FRAS1: variants seen among roughly 807,000 people sequenced by gnomAD.
FRAS1 encodes the protein extracellular matrix organizing protein FRAS1.
Under a neutral mutation model 435.2 loss-of-function variants are expected in FRAS1, and 290 were observed. The ratio of observed to expected loss-of-function variants is 0.67; its 90% CI spans 0.61 to 0.73. FRAS1 has a LOEUF of 0.73. Among genes scored for constraint, FRAS1 ranks in the 30% least tolerant of loss-of-function variants. FRAS1 has a pLI of 0.00. For synonymous variants in FRAS1, 1,800 were observed against 1,851.0 expected (o/e 0.97, Z 0.71); for missense variants, 4,860 against 5,001.5 (o/e 0.97, Z 0.85).
chr4:78,252,361 C>CA, intron 4 of FRAS1, 31 bp from the exon 5 acceptor site: 1 of 1,371,670 alleles, frequency 7.3e-7, no homozygotes, highest in Non-Finnish European at 1.0e-6. Flanking sequence ...TGGCACTAAC[C>CA]TTTTTTTTTT....
At chr4:78,060,148 T>C (rs899047044) in intron 1 of FRAS1, among the ~76,000 whole-genome samples, 3 of 152,180 alleles carry the variant, frequency 2.0e-5, no homozygotes, top group African/African-American at 7.2e-5. Flanking sequence ...TTACATACTT[T>C]ATCTCATTTA....
At chr4:78,153,192 C>A (rs1335955777) in intron 2 of FRAS1, among the ~76,000 whole-genome samples, 1 of 152,100 alleles carries the variant, frequency 6.6e-6, no homozygotes, top group Non-Finnish European at 1.5e-5. Context: ...AGCCTTCCAG[C>A]CTTCATTCCC....
intron 45 of FRAS1, chr4:78,450,590 A>G (rs1718990544): frequency 2.2e-6 from 1 of 454,252 alleles, no homozygotes; most frequent in Admixed American, 3.9e-5. Flanking sequence ...TTGGAGAGAA[A>G]AAGTTATTTT....
intron 3 of FRAS1, among the ~76,000 whole-genome samples, chr4:78,237,909 G>A (rs898579053): frequency 6.6e-6 from 1 of 152,078 alleles, no homozygotes; most frequent in Non-Finnish European, 1.5e-5. Flanking sequence ...TGTGGGTTAG[G>A]TATCTTTATC....
chr4:78,104,831 T>C (rs1742308936), intron 2 of FRAS1, among the ~76,000 whole-genome samples: 1 of 152,218 alleles, frequency 6.6e-6, no homozygotes. Flanking sequence ...ACCCTTATTC[T>C]GTACTTCAGG....
At position 78,438,570 on chromosome 4, in the gene FRAS1, G is replaced by A. The variant is rs1734520475; in HGVS notation, c.5218G>A (p.Asp1740Asn). The A allele has an allele frequency of 3.7e-6, 6 of 1,613,624 alleles. No homozygotes were observed. Among genetic ancestry groups the A allele is most frequent in the Non-Finnish European group, 5.1e-6 (6 of 1,179,786 alleles). Residue 1740 changes from aspartate (D) to asparagine (N), a missense_variant and splice_region_variant, in exon 39 of 74, where the codon GAT becomes AAT. Coordinates refer to ENST00000512123, the MANE Select transcript of FRAS1 (RefSeq NM_025074.7). ...TCCTGCCTCATGTTTGCCTCATTAGGATGATTCTTCCCCCGACCCAGAGAT... is the reference window on the plus strand; with the variant it reads ...TCCTGCCTCATGTTTGCCTCATTAGAATGATTCTTCCCCCGACCCAGAGAT... ...IITRSHLAYV[D>N]DSSPDPEIWI...
rs865871427 is a variant in FRAS1 at position 78,065,995 on chromosome 4, C to A, written c.87C>A (p.Val29=). The change falls in exon 2 of 74, where the codon GTC becomes GTA. Residue 29 remains valine (V), a synonymous_variant. Coordinates refer to ENST00000512123, the MANE Select transcript of FRAS1 (RefSeq NM_025074.7). ...VLPHHSEGAC[V]YQDSLLADAT... Reference sequence around the variant, plus strand: ...TGTTTTTCCCCACAGGTGCTTGTGTCTATCAGGATTCCTTGTTGGCGGTAG... The same window carrying A: ...TGTTTTTCCCCACAGGTGCTTGTGTATATCAGGATTCCTTGTTGGCGGTAG... 6.2e-7 allele frequency: 1 copy of A among 1,607,130 alleles called. No individual in the cohort carries two copies. The highest frequency in any genetic ancestry group is 8.5e-7 in the Non-Finnish European group (1 of 1,174,426).
chr4:78,246,110 C>T (rs1248705151), intron 4 of FRAS1, among the ~76,000 whole-genome samples: 4 of 152,076 alleles, frequency 2.6e-5, no homozygotes, highest in Non-Finnish European at 5.9e-5. Flanking sequence ...TAAAAAGTAC[C>T]AACTGCAAAG....
chr4:78,484,233 C>T (rs1021910425), intron 58 of FRAS1, among the ~76,000 whole-genome samples: 2 of 152,050 alleles, frequency 1.3e-5, no homozygotes, highest in Admixed American at 1.3e-4. Flanking sequence ...TAGTTCATTC[C>T]ATTTATTGAG....
chr4:78,117,754 A>T (rs936267871), intron 2 of FRAS1, among the ~76,000 whole-genome samples: 70 of 152,058 alleles, frequency 4.6e-4, no homozygotes, highest in Non-Finnish European at 9.0e-4. Context: ...AAGGTTTTTA[A>T]CTTCTTTGCC....
chr4:78,105,556 C>T (rs192856603), intron 2 of FRAS1, among the ~76,000 whole-genome samples: 16 of 152,236 alleles, frequency 1.1e-4, no homozygotes, highest in East Asian at 3.9e-4. Context: ...AAGACCGATA[C>T]GAATTCTCTT....
chr4:78,519,192 A>G (rs1311937832), intron 66 of FRAS1, 139 bp from the exon 67 acceptor site: 8 of 643,340 alleles, frequency 1.2e-5, no homozygotes, highest in African/African-American at 1.9e-5. Context: ...AGTAAGTGCA[A>G]TCATGGGCAC....
intron 2 of FRAS1, among the ~76,000 whole-genome samples, chr4:78,113,932 G>A (rs923680874): frequency 5.3e-5 from 8 of 152,226 alleles, no homozygotes; most frequent in East Asian, 1.9e-4. Flanking sequence ...GTATTGCCTA[G>A]GTTTTCTTCT....
chr4:78,309,025 T>C (rs958659591), intron 15 of FRAS1, among the ~76,000 whole-genome samples: 2 of 152,152 alleles, frequency 1.3e-5, no homozygotes, highest in Admixed American at 6.5e-5. Flanking sequence ...GTAAGCCCCA[T>C]GCAATCAATC....
rs1719717701 is a variant in FRAS1 at position 78,471,845 on chromosome 4, C to G, written c.7372-335C>G. Among the ~76,000 whole-genome samples, 3 of 152,212 alleles carry G rather than the reference C, an allele frequency of 2.0e-5. No individual in the cohort carries two copies. The South Asian group carries it at 6.2e-4, about 32-fold the overall frequency. On this transcript the variant is annotated intron_variant, in intron 51 of 73. Coordinates refer to ENST00000512123, the MANE Select transcript of FRAS1 (RefSeq NM_025074.7). The stretch of plus-strand genomic sequence containing the variant: ...AGGCCCAACTCAAATCCCACTGCCT[C>G]CAATCCATCCTCCTTCAACTCCAGA...
chr4:78,062,217 T>C (rs1036105497), intron 1 of FRAS1, among the ~76,000 whole-genome samples: 4 of 152,184 alleles, frequency 2.6e-5, no homozygotes, highest in African/African-American at 4.8e-5. Flanking sequence ...CATGTCAAAG[T>C]TGGAGCCTCA....
intron 14 of FRAS1, among the ~76,000 whole-genome samples, chr4:78,298,690 A>T (rs1033370145): frequency 2.0e-5 from 3 of 152,210 alleles, no homozygotes; most frequent in Non-Finnish European, 4.4e-5. Flanking sequence ...CCTAGTGGTG[A>T]GTTGTTTCCA....
Position 78,114,041 on chromosome 4 carries a change from A to C in FRAS1, c.108+48025A>C, listed in dbSNP as rs1208391556. Among the ~76,000 whole-genome samples, 8 of 152,258 alleles carry C rather than the reference A, an allele frequency of 5.3e-5. No homozygotes were observed. In the South Asian group the frequency reaches 1.7e-3, roughly 32 times the overall value. On this transcript the variant is annotated intron_variant, in intron 2 of 73. Coordinates refer to ENST00000512123, the MANE Select transcript of FRAS1 (RefSeq NM_025074.7). ...GGAAGGGATCTAGTTTCAGCTTTCT[A>C]TATATGGCTAGCCAGTTTTCCCAGC...
At chr4:78,379,696 G>A in intron 26 of FRAS1, 30 bp from the exon 27 acceptor site, 2 of 1,598,140 alleles carry the variant, frequency 1.3e-6, no homozygotes, top group Admixed American at 3.6e-5. Context: ...GGTACCATAA[G>A]CTTGACCTTT....
Sources: allele counts gnomAD v4.1 joint callset (sites outside exome capture counted in the v4.1 genomes callset), GRCh38; gene constraint gnomAD v4.1.1; transcripts MANE v1.5; gene names NCBI Gene and HGNC (gene_info 2026-07-23, HGNC 2026-07-21).